Variants in CCSER1 observed in about 807,000 individuals in gnomAD.
CCSER1 encodes the protein coiled-coil serine rich protein 1, also known as serine-rich coiled-coil domain-containing protein 1.
A neutral mutation model predicts 82.0 loss-of-function variants in CCSER1; 41 were observed. The observed-to-expected ratio is 0.50, with a 90% confidence interval of 0.39 to 0.65. The LOEUF (loss-of-function observed/expected upper bound fraction) is 0.65. Ranked by LOEUF, CCSER1 falls within the 30% of genes least tolerant of loss-of-function variation. The pLI is 0.00. For synonymous variants in CCSER1, 414 were observed against 383.9 expected (o/e 1.08, Z -0.92); for missense variants, 1,119 against 1,064.2 (o/e 1.05, Z -0.72).
At chr4:91,343,398 G>T (rs1363258598) in intron 10 of CCSER1, among the ~76,000 whole-genome samples, 1 of 151,976 alleles carries the variant, frequency 6.6e-6, no homozygotes, top group African/African-American at 2.4e-5. Context: ...AACACAAATT[G>T]ATTTGTACAT....
chr4:90,612,045 G>A (rs1015965300), intron 5 of CCSER1, among the ~76,000 whole-genome samples: 3 of 151,592 alleles, frequency 2.0e-5, no homozygotes, highest in Non-Finnish European at 4.4e-5. Context: ...AATGATAGCT[G>A]TAGACATGCC....
At chr4:90,783,161 A>T (rs894292388) in intron 7 of CCSER1, among the ~76,000 whole-genome samples, 1 of 151,870 alleles carries the variant, frequency 6.6e-6, no homozygotes, top group African/African-American at 2.4e-5. Context: ...AGGCTGGGGG[A>T]TTTCTGGTTT....
chr4:90,519,299 T>C (rs780387361), intron 5 of CCSER1, among the ~76,000 whole-genome samples: 2 of 151,854 alleles, frequency 1.3e-5, no homozygotes, highest in Non-Finnish European at 2.9e-5. Context: ...TGAGAAATAA[T>C]ATAAGTAAAT....
intron 1 of CCSER1, among the ~76,000 whole-genome samples, chr4:90,175,728 A>G (rs973986763): frequency 3.9e-5 from 6 of 152,058 alleles, no homozygotes; most frequent in African/African-American, 1.2e-4. Context: ...ACCATTTACA[A>G]TTTTTAAAAG....
intron 8 of CCSER1, among the ~76,000 whole-genome samples, chr4:90,816,561 A>C (rs1473779952): frequency 1.3e-5 from 2 of 152,106 alleles, no homozygotes; most frequent in Non-Finnish European, 2.9e-5. Context: ...TTTAAAAGAT[A>C]GTACTCTAAA....
intron 1 of CCSER1, among the ~76,000 whole-genome samples, chr4:90,130,101 A>G (rs186252955): frequency 6.6e-6 from 1 of 152,338 alleles, no homozygotes; most frequent in Non-Finnish European, 1.5e-5. Context: ...AAAATTTGTT[A>G]TATTTTTACA....
intron 1 of CCSER1, among the ~76,000 whole-genome samples, chr4:90,232,293 G>A (rs1744754859): frequency 6.6e-6 from 1 of 150,898 alleles, no homozygotes; most frequent in South Asian, 2.1e-4. Context: ...CAATGGAACA[G>A]AACAGAGCCC....
At chr4:91,181,031 C>A (rs1733975487) in intron 10 of CCSER1, among the ~76,000 whole-genome samples, 1 of 152,240 alleles carries the variant, frequency 6.6e-6, no homozygotes, top group South Asian at 2.1e-4. Context: ...TGGTTTTCCG[C>A]CCTGGGAGGG....
At chr4:90,690,148 T>C (rs985657812) in intron 6 of CCSER1, among the ~76,000 whole-genome samples, 1 of 152,046 alleles carries the variant, frequency 6.6e-6, no homozygotes, top group Non-Finnish European at 1.5e-5. Flanking sequence ...CTGTCAGAAA[T>C]TCATGTTCTG....
intron 10 of CCSER1, among the ~76,000 whole-genome samples, chr4:91,174,901 C>T (rs148637406): frequency 0.013 from 2,020 of 151,738 alleles, 30 homozygotes; most frequent in African/African-American, 0.036. Context: ...TATACATGTG[C>T]CATGTTGGAG....
chr4:90,889,751 T>C (rs1396634578), intron 8 of CCSER1, among the ~76,000 whole-genome samples: 1 of 152,192 alleles, frequency 6.6e-6, no homozygotes, highest in Admixed American at 6.6e-5. Context: ...GACATTATGC[T>C]AGCAGTGTCA....
intron 4 of CCSER1, among the ~76,000 whole-genome samples, chr4:90,456,490 G>A (rs1417994831): frequency 2.0e-5 from 3 of 152,206 alleles, no homozygotes; most frequent in Admixed American, 2.0e-4. Context: ...ACTGGAGTTA[G>A]TTCAGAGGCC....
intron 4 of CCSER1, among the ~76,000 whole-genome samples, chr4:90,454,102 G>A (rs960648626): frequency 6.6e-6 from 1 of 152,128 alleles, no homozygotes; most frequent in Non-Finnish European, 1.5e-5. Flanking sequence ...ATGTTGCCTG[G>A]GCAGTCTTTC....
At chr4:90,303,604 A>T (rs1444106005) in intron 1 of CCSER1, among the ~76,000 whole-genome samples, 1 of 151,784 alleles carries the variant, frequency 6.6e-6, no homozygotes, top group Admixed American at 6.6e-5. Flanking sequence ...CCACATGTAG[A>T]AAGCTGAAAC....
chr4:90,339,455 T>C (rs902907485), intron 3 of CCSER1, among the ~76,000 whole-genome samples: 4 of 151,910 alleles, frequency 2.6e-5, no homozygotes, highest in African/African-American at 9.7e-5. Context: ...TCCCAATGGC[T>C]TCCCACTATG....
intron 10 of CCSER1, among the ~76,000 whole-genome samples, chr4:91,544,355 G>C (rs1300035429): frequency 6.6e-6 from 1 of 152,162 alleles, no homozygotes; most frequent in African/African-American, 2.4e-5. Flanking sequence ...TGCTGGCAAG[G>C]AACTGCGTCC....
rs998231415 is a variant in CCSER1, at chr4:91,237,783, G to A, written c.2217+151789G>A. On this transcript the variant is annotated intron_variant, in intron 10 of 10. Transcript: ENST00000509176. The stretch of plus-strand genomic sequence containing the variant: ...GGAAATGTAGAAAGAAATTTTAAGT[G>A]GTTCACTGTAAAGTGTGAAATAAAA... Among the ~76,000 whole-genome samples, 3 of 152,224 alleles carry A rather than the reference G, an allele frequency of 2.0e-5. No homozygotes were observed. The South Asian group carries it at 6.2e-4, about 32-fold the overall frequency.
At position 90,949,503 on chromosome 4, in the gene CCSER1, GC is replaced by G. The variant is rs1159881705; in HGVS notation, c.2172+26057del. Among the ~76,000 whole-genome samples the G allele has an allele frequency of 2.6e-5, 4 of 152,134 alleles. No individual in the cohort carries two copies. In the East Asian group the frequency reaches 5.8e-4, roughly 22 times the overall value. The stretch of plus-strand genomic sequence containing the variant: ...TGTTGTCACTACAGTGAGTCAGGGG[GC>G]AACACCATCTAAGAATTCATTTGTT... On this transcript the variant is annotated intron_variant, in intron 9 of 10. Transcript: ENST00000509176.
intron 10 of CCSER1, among the ~76,000 whole-genome samples, chr4:91,568,804 AT>A (rs111893188): frequency 4.0e-5 from 6 of 151,200 alleles, no homozygotes; most frequent in Non-Finnish European, 8.8e-5. Flanking sequence ...AATCTTGATG[AT>A]TTTTTTTTCT....
Sources: gnomAD v4.1 joint callset for allele counts (sites outside exome capture counted in the v4.1 genomes callset) on GRCh38, gnomAD v4.1.1 for gene constraint, MANE v1.5 for transcripts, NCBI Gene and HGNC (gene_info 2026-07-23, HGNC 2026-07-21) for gene names.